C5orf46: variants seen among roughly 807,000 people sequenced by gnomAD.
C5orf46 encodes the protein uncharacterized protein C5orf46.
C5orf46 carries 9 observed loss-of-function variants against 8.9 expected under a neutral mutation model. That is an observed-to-expected ratio of 1.01 (90% CI 0.61 to 1.76). The LOEUF (loss-of-function observed/expected upper bound fraction) is 1.76, where lower values mean the gene tolerates loss of function less well. Ranked by LOEUF, C5orf46 falls within the 40% of genes most tolerant of loss-of-function variation. C5orf46 has a pLI of 0.00. For synonymous variants in C5orf46, 47 were observed against 41.4 expected, an observed-to-expected ratio of 1.14 and a Z score of -0.52; for missense variants, 98 against 107.8, an observed-to-expected ratio of 0.91 and a Z score of 0.40.
intron 2 of C5orf46, 62 bp from the exon 3 acceptor site, chr5:147,897,103 C>T: frequency 1.4e-6 from 1 of 727,930 alleles, no homozygotes; most frequent in Non-Finnish European, 2.3e-6. Context: ...TTAGAATGAT[C>T]ACTAAGGCGC....
chr5:147,902,733 C>A (rs1757689235), intron 1 of C5orf46, among the ~76,000 whole-genome samples: 1 of 152,184 alleles, frequency 6.6e-6, no homozygotes, highest in Non-Finnish European at 1.5e-5. Flanking sequence ...GCTGCACAGT[C>A]TTTGATGGAA....
At chr5:147,893,778 G>A (rs1757539734) in intron 3 of C5orf46, among the ~76,000 whole-genome samples, 1 of 152,014 alleles carries the variant, frequency 6.6e-6, no homozygotes, top group Non-Finnish European at 1.5e-5. Context: ...CCGACCTCAG[G>A]TGATCTGCCC....
intron 2 of C5orf46, chr5:147,886,379 C>A (rs1212644842): frequency 6.6e-6 from 1 of 151,940 alleles, no homozygotes; most frequent in African/African-American, 2.4e-5. Context: ...CTTAAAACTT[C>A]ATGTGAATCT....
At chr5:147,898,633 G>A (rs73263250) in intron 2 of C5orf46, among the ~76,000 whole-genome samples, 2,029 of 152,194 alleles carry the variant, frequency 0.013, 45 homozygotes, top group African/African-American at 0.047. Context: ...AACCAAGCAC[G>A]TTTGGAATTC....
intron 2 of C5orf46, among the ~76,000 whole-genome samples, chr5:147,898,210 C>T (rs1757612844): frequency 6.6e-6 from 1 of 152,026 alleles, no homozygotes; most frequent in South Asian, 2.1e-4. Context: ...ATAAAAGGAA[C>T]TTGGGAAAGA....
At chr5:147,896,063 A>C (rs905762033) in intron 3 of C5orf46, among the ~76,000 whole-genome samples, 1 of 152,228 alleles carries the variant, frequency 6.6e-6, no homozygotes, top group African/African-American at 2.4e-5. Flanking sequence ...AAGTAACTCA[A>C]CTAAGCAAAG....
chr5:147,892,577 T>A (rs1362566143), downstream of C5orf46: 1 of 152,166 alleles, frequency 6.6e-6, no homozygotes, highest in Non-Finnish European at 1.5e-5. Flanking sequence ...TGGGCTTTAG[T>A]CCTCTTATTT....
intron 1 of C5orf46, among the ~76,000 whole-genome samples, chr5:147,903,133 T>C (rs1421095001): frequency 6.6e-6 from 1 of 152,132 alleles, no homozygotes; most frequent in Non-Finnish European, 1.5e-5. Flanking sequence ...TGAGAAGAGA[T>C]GGAAGAGTGA....
chr5:147,898,386 T>C (rs1232391342), intron 2 of C5orf46, among the ~76,000 whole-genome samples: 1 of 152,110 alleles, frequency 6.6e-6, no homozygotes, highest in East Asian at 1.9e-4. Context: ...CTTAGATTTC[T>C]GGATTCTGGG....
chr5:147,891,442 C>G (rs1031593255), downstream of C5orf46, among the ~76,000 whole-genome samples: 1 of 152,018 alleles, frequency 6.6e-6, no homozygotes, highest in Non-Finnish European at 1.5e-5. Context: ...CTCTATAGAT[C>G]GTTGGAGATC....
At chr5:147,889,325 G>A (rs945309577), downstream of C5orf46, among the ~76,000 whole-genome samples, 5 of 152,144 alleles carry the variant, frequency 3.3e-5, no homozygotes, top group African/African-American at 1.2e-4. Flanking sequence ...GGATATGTTT[G>A]AACAGTCAGG....
chr5:147,889,785 G>A (rs187591088), downstream of C5orf46, among the ~76,000 whole-genome samples: 7 of 152,204 alleles, frequency 4.6e-5, no homozygotes, highest in Admixed American at 1.3e-4. Context: ...ATTCTCAATT[G>A]CATCATTTCA....
intron 3 of C5orf46, among the ~76,000 whole-genome samples, chr5:147,896,741 T>C (rs1045019570): frequency 3.9e-5 from 6 of 152,164 alleles, no homozygotes; most frequent in African/African-American, 1.4e-4. Flanking sequence ...GTGACAGGAA[T>C]CAGGTCTCCA....
downstream of C5orf46, among the ~76,000 whole-genome samples, chr5:147,890,604 G>C (rs551326823): frequency 7.6e-4 from 116 of 152,254 alleles, 3 homozygotes; most frequent in Admixed American, 7.6e-3. Context: ...ATCAATGAAG[G>C]CTTCACTGAG....
chr5:147,901,976 A>C (rs1173933045), intron 1 of C5orf46, among the ~76,000 whole-genome samples: 3 of 152,164 alleles, frequency 2.0e-5, no homozygotes, highest in African/African-American at 4.8e-5. Flanking sequence ...AAACAAATAG[A>C]CCGACTGATA....
At chr5:147,892,211 G>C (rs1477925652), downstream of C5orf46, among the ~76,000 whole-genome samples, 1 of 152,178 alleles carries the variant, frequency 6.6e-6, no homozygotes, top group Non-Finnish European at 1.5e-5. Context: ...AAGTGGGCAA[G>C]AACCATAGCC....
intron 2 of C5orf46, among the ~76,000 whole-genome samples, chr5:147,898,859 C>A (rs2127128837): frequency 6.6e-6 from 1 of 152,172 alleles, no homozygotes; most frequent in African/African-American, 2.4e-5. Context: ...GTCTAGGTAG[C>A]TCCAAGCTGA....
intron 2 of C5orf46, chr5:147,887,088 A>G (rs1005873412): frequency 2.0e-5 from 3 of 152,130 alleles, no homozygotes; most frequent in Non-Finnish European, 4.4e-5. Flanking sequence ...TATGAATTAT[A>G]TGATTTCTTA....
intron 1 of C5orf46, 112 bp from the exon 2 acceptor site, chr5:147,901,885 T>A (rs1185560238): frequency 1.9e-6 from 2 of 1,039,498 alleles, no homozygotes; most frequent in Admixed American, 5.5e-5. Flanking sequence ...TTTCATAGCC[T>A]TATATGGTTA....
Sources: gnomAD v4.1 joint callset for allele counts (sites outside exome capture counted in the v4.1 genomes callset) on GRCh38, gnomAD v4.1.1 for gene constraint, MANE v1.5 for transcripts, NCBI Gene and HGNC (gene_info 2026-07-23, HGNC 2026-07-21) for gene names.